The following CCDC93 variants were observed in gnomAD, a reference collection of about 807,000 sequenced individuals.
CCDC93 encodes coiled-coil domain-containing protein 93.
Under a neutral mutation model 108.2 loss-of-function variants are expected in CCDC93, and 61 were observed. That is an observed-to-expected ratio of 0.56 (90% CI 0.46 to 0.70). The LOEUF is 0.70. CCDC93 is among the 30% of genes least tolerant of loss of function. CCDC93 has a pLI of 0.00. For synonymous variants in CCDC93, 276 were observed against 260.4 expected (o/e 1.06, Z -0.58); for missense variants, 685 against 764.2 (o/e 0.90, Z 1.22).
At chr2:117,949,652 CCTTTGTACTTTTTGAA>C in intron 13 of CCDC93, 1 of 597,110 alleles carries the variant, frequency 1.7e-6, no homozygotes, top group Non-Finnish European at 2.1e-6. Flanking sequence ...AAACCTACAC[CCTTTGTACTTTTTGAA>C]TTTTGTACGA....
At chr2:118,008,854 G>A (rs953204314) in intron 1 of CCDC93, 196 bp from the exon 2 acceptor site, 3 of 557,140 alleles carry the variant, frequency 5.4e-6, no homozygotes, top group South Asian at 4.3e-5. Flanking sequence ...AAATGGGTCC[G>A]CGGTCCTCAA....
chr2:118,004,229 T>A (rs1406352816), intron 3 of CCDC93, among the ~76,000 whole-genome samples: 1 of 152,214 alleles, frequency 6.6e-6, no homozygotes, highest in Non-Finnish European at 1.5e-5. Context: ...AAAATACACA[T>A]GCAAGTGCTT....
intron 6 of CCDC93, among the ~76,000 whole-genome samples, chr2:117,988,115 G>GATAT (rs3080398): frequency 2.0e-5 from 3 of 149,658 alleles, no homozygotes; most frequent in African/African-American, 2.5e-5. Flanking sequence ...ATATATATCA[G>GATAT]ATATATATAT....
At position 117,959,262 on chromosome 2, in the gene CCDC93, C is replaced by T. The variant is rs540252939; in HGVS notation, c.889-781G>A. ...CCGCCTCAAGACTCCTGTGAGAAGCCCCAGGAAAAAGAAATTAAAAGGTAG... is the reference window on the plus strand; with the variant it reads ...CCGCCTCAAGACTCCTGTGAGAAGCTCCAGGAAAAAGAAATTAAAAGGTAG... On this transcript the variant is annotated intron_variant, in intron 11 of 23. Transcript: ENST00000376300. Among the ~76,000 whole-genome samples the T allele has an allele frequency of 2.0e-4, 31 of 152,200 alleles. 1 individual carries two copies. The highest frequency in any genetic ancestry group is 1.8e-3 in the Admixed American group (27 of 15,286).
intron 23 of CCDC93, among the ~76,000 whole-genome samples, chr2:117,925,037 G>A (rs904705482): frequency 2.6e-5 from 4 of 152,292 alleles, no homozygotes; most frequent in South Asian, 4.1e-4. Flanking sequence ...AGCTTCATAA[G>A]TGAAGGAGAA....
chr2:117,953,886 C>T (rs1320610367), intron 12 of CCDC93, among the ~76,000 whole-genome samples: 1 of 151,782 alleles, frequency 6.6e-6, no homozygotes, highest in South Asian at 2.1e-4. Context: ...GGAGTGAGAC[C>T]CTGTCTCAAA....
chr2:117,984,861 G>A (rs531402793), intron 7 of CCDC93, among the ~76,000 whole-genome samples: 2 of 152,236 alleles, frequency 1.3e-5, no homozygotes, highest in South Asian at 2.1e-4. Context: ...CACACAACCC[G>A]TCCACTAGCA....
intron 7 of CCDC93, among the ~76,000 whole-genome samples, chr2:117,979,533 C>A (rs1373067955): frequency 6.6e-6 from 1 of 152,150 alleles, no homozygotes; most frequent in Non-Finnish European, 1.5e-5. Flanking sequence ...AAGATTCTAC[C>A]TTTATATCTG....
intron 11 of CCDC93, among the ~76,000 whole-genome samples, chr2:117,965,555 TTTAATATCA>T (rs1679535552): frequency 6.6e-6 from 1 of 152,212 alleles, no homozygotes; most frequent in Non-Finnish European, 1.5e-5. Flanking sequence ...GCAAAAATAT[TTTAATATCA>T]ACAAAAATAT....
chr2:117,925,443 G>C (rs1468667575), intron 23 of CCDC93, among the ~76,000 whole-genome samples: 1 of 151,516 alleles, frequency 6.6e-6, no homozygotes, highest in Non-Finnish European at 1.5e-5. Flanking sequence ...CAAGCAAATG[G>C]AAAACAAAAA....
intron 23 of CCDC93, among the ~76,000 whole-genome samples, chr2:117,926,328 G>A (rs905035447): frequency 6.6e-6 from 1 of 152,120 alleles, no homozygotes; most frequent in Non-Finnish European, 1.5e-5. Context: ...ATGAATCCAG[G>A]AGCTGGTTTT....
chr2:117,995,345 C>G (rs1680610388), intron 6 of CCDC93, 101 bp downstream of exon 6: 2 of 921,636 alleles, frequency 2.2e-6, no homozygotes, highest in Non-Finnish European at 3.5e-6. Context: ...CTAAGCGATC[C>G]CCGTAGATGG....
At chr2:117,965,091 T>C (rs188585858) in intron 11 of CCDC93, among the ~76,000 whole-genome samples, 60 of 152,258 alleles carry the variant, frequency 3.9e-4, no homozygotes, top group East Asian at 5.8e-4. Context: ...TGTGAGGAAA[T>C]AGTATCTAGA....
chr2:117,947,896 G>A (rs985813557), intron 15 of CCDC93: 13 of 473,420 alleles, frequency 2.7e-5, no homozygotes, highest in African/African-American at 2.2e-4. Flanking sequence ...GGGTTTCACA[G>A]TGTTAGCCAG....
At chr2:118,010,992 A>G (rs1237647375) in intron 1 of CCDC93, among the ~76,000 whole-genome samples, 1 of 152,214 alleles carries the variant, frequency 6.6e-6, no homozygotes, top group African/African-American at 2.4e-5. Flanking sequence ...ATCTAGTGTT[A>G]TACACATGCT....
intron 18 of CCDC93, among the ~76,000 whole-genome samples, chr2:117,942,072 C>T (rs1329567520): frequency 1.3e-5 from 2 of 152,218 alleles, no homozygotes; most frequent in Non-Finnish European, 2.9e-5. Context: ...GGTGGGAAAC[C>T]CACATTCAGC....
At chr2:117,956,314 G>T (rs749562820) in intron 12 of CCDC93, among the ~76,000 whole-genome samples, 1 of 152,208 alleles carries the variant, frequency 6.6e-6, no homozygotes, top group African/African-American at 2.4e-5. Context: ...GGGTAAAAGT[G>T]TTCTGAACCA....
chr2:117,917,913 G>A lies in CCDC93; in HGVS notation c.*2430C>T, dbSNP rs981059145. 2 of 152,238 alleles carry A rather than the reference G, an allele frequency of 1.3e-5. No individual in the cohort carries two copies. The highest frequency in any genetic ancestry group is 2.9e-5 in the Non-Finnish European group (2 of 68,060). 9.4% of individuals were successfully genotyped at this position (152,238 alleles called of 1,614,324 possible). A position where few individuals can be genotyped will look rare whatever the true frequency, so the allele number is the denominator to read the frequency against. ...CAACTCCCTGTGCTGATTGAGCAGGGAGCCTCTCTCTCCTGGGGAAACCTG... is the reference window on the plus strand; with the variant it reads ...CAACTCCCTGTGCTGATTGAGCAGGAAGCCTCTCTCTCCTGGGGAAACCTG... On this transcript the variant is annotated 3_prime_UTR_variant, in exon 24 of 24. Coordinates refer to ENST00000376300, the MANE Select transcript of CCDC93 (RefSeq NM_019044.5).
intron 13 of CCDC93, chr2:117,950,845 C>T (rs1267865638): frequency 1.0e-6 from 1 of 985,276 alleles, no homozygotes; most frequent in East Asian, 1.1e-4. Context: ...TGATGCCAGG[C>T]TGCCTGTATT....
Sources: gnomAD v4.1 joint callset for allele counts (sites outside exome capture counted in the v4.1 genomes callset) on GRCh38, gnomAD v4.1.1 for gene constraint, MANE v1.5 for transcripts, NCBI Gene and HGNC (gene_info 2026-07-23, HGNC 2026-07-21) for gene names.